Variants in SCAPER observed in about 807,000 individuals in gnomAD.
The protein encoded by SCAPER is S phase cyclin A-associated protein in the endoplasmic reticulum.
Under a neutral mutation model 182.2 loss-of-function variants are expected in SCAPER, and 98 were observed. The ratio of observed to expected loss-of-function variants is 0.54; its 90% confidence interval spans 0.46 to 0.64. SCAPER has a LOEUF of 0.64. SCAPER is among the 30% of genes least tolerant of loss of function. SCAPER has a pLI of 0.00. For missense variants in SCAPER, 1,432 were observed against 1,690.0 expected, an observed-to-expected ratio of 0.85 and a Z score of 2.68; for synonymous variants, 605 against 564.6, an observed-to-expected ratio of 1.07 and a Z score of -1.01.
intron 24 of SCAPER, among the ~76,000 whole-genome samples, chr15:76,502,412 G>A (rs192801624): frequency 7.9e-5 from 12 of 152,160 alleles, no homozygotes; most frequent in Admixed American, 7.9e-4. Context: ...ATGAGTTCAT[G>A]TCCTTTGTAG....
chr15:76,717,585 C>T (rs1017399301), intron 17 of SCAPER, among the ~76,000 whole-genome samples: 17 of 152,110 alleles, frequency 1.1e-4, no homozygotes, highest in Admixed American at 2.6e-4. Context: ...AAATTGTTAT[C>T]AACTTAAAAC....
intron 23 of SCAPER, among the ~76,000 whole-genome samples, chr15:76,565,136 T>G (rs900198344): frequency 1.3e-5 from 2 of 152,062 alleles, no homozygotes; most frequent in South Asian, 2.1e-4. Context: ...CGAAAGCAAT[T>G]GCAACAAAAG....
At chr15:76,891,788 TTTCTTCACAGAATTGGAAA>T (rs545689590) in intron 1 of SCAPER, among the ~76,000 whole-genome samples, 36 of 152,304 alleles carry the variant, frequency 2.4e-4, no homozygotes, top group African/African-American at 6.0e-4. Flanking sequence ...TACCAATGAC[TTTCTTCACAGAATTGGAAA>T]TTCTTCACAG....
At chr15:76,396,538 C>T (rs2044071990) in intron 27 of SCAPER, among the ~76,000 whole-genome samples, 1 of 152,058 alleles carries the variant, frequency 6.6e-6, no homozygotes, top group South Asian at 2.1e-4. Flanking sequence ...AAATCTTTCA[C>T]TTCTTTGGTT....
chr15:76,518,040 C>T (rs1239388690), intron 23 of SCAPER, among the ~76,000 whole-genome samples: 1 of 152,118 alleles, frequency 6.6e-6, no homozygotes, highest in African/African-American at 2.4e-5. Flanking sequence ...GTTCTTTTAA[C>T]CAGTGGTGCA....
chr15:76,723,942 C>T (rs989054180), intron 17 of SCAPER, among the ~76,000 whole-genome samples: 16 of 152,124 alleles, frequency 1.1e-4, no homozygotes, highest in African/African-American at 2.7e-4. Flanking sequence ...AGTATTGTTA[C>T]GTGTGAATTT....
At chr15:76,491,239 G>A (rs2052273999) in intron 24 of SCAPER, among the ~76,000 whole-genome samples, 1 of 152,082 alleles carries the variant, frequency 6.6e-6, no homozygotes, top group South Asian at 2.1e-4. Context: ...TTGAAATCAG[G>A]AACTGTTATG....
chr15:76,470,056 A>G (rs2050016208), intron 25 of SCAPER, among the ~76,000 whole-genome samples: 2 of 151,948 alleles, frequency 1.3e-5, no homozygotes, highest in African/African-American at 4.8e-5. Flanking sequence ...GCTTTCCCTT[A>G]TTGCTATTCC....
chr15:76,543,325 T>C (rs989209282), intron 23 of SCAPER, among the ~76,000 whole-genome samples: 5 of 152,234 alleles, frequency 3.3e-5, no homozygotes, highest in African/African-American at 9.6e-5. Context: ...AGGAAATTGG[T>C]TGTAGGTTTA....
At chr15:76,650,672 C>G (rs1397458989) in intron 21 of SCAPER, among the ~76,000 whole-genome samples, 1 of 152,062 alleles carries the variant, frequency 6.6e-6, no homozygotes, top group Non-Finnish European at 1.5e-5. Context: ...GTACTAACCA[C>G]ATAGACCTAA....
At chr15:76,364,602 G>C (rs748799761) in intron 29 of SCAPER, among the ~76,000 whole-genome samples, 30 of 152,142 alleles carry the variant, frequency 2.0e-4, no homozygotes, top group South Asian at 4.2e-4. Flanking sequence ...TGTGTGCTTG[G>C]TACCAGTAGC....
intron 5 of SCAPER, among the ~76,000 whole-genome samples, chr15:76,836,766 C>T (rs1300493589): frequency 4.0e-5 from 6 of 151,766 alleles, no homozygotes; most frequent in Admixed American, 6.6e-5. Context: ...CCCAGCTACT[C>T]GGGAGGCTGA....
At chr15:76,417,698 C>T (rs1450756514) in intron 26 of SCAPER, among the ~76,000 whole-genome samples, 1 of 152,036 alleles carries the variant, frequency 6.6e-6, no homozygotes, top group Non-Finnish European at 1.5e-5. Flanking sequence ...TCCTTGAATA[C>T]ATGTCTTATG....
chr15:76,725,413 A>G (rs2060523323), intron 17 of SCAPER, among the ~76,000 whole-genome samples: 1 of 125,332 alleles, frequency 8.0e-6, no homozygotes, highest in Non-Finnish European at 1.9e-5. Flanking sequence ...CTTAGTGTAT[A>G]CATTAAAAAA....
intron 23 of SCAPER, among the ~76,000 whole-genome samples, chr15:76,560,678 T>A (rs2046547263): frequency 6.6e-6 from 1 of 152,156 alleles, no homozygotes; most frequent in Admixed American, 6.5e-5. Context: ...TTCCTGGGAA[T>A]GGAATAGAAA....
intron 21 of SCAPER, among the ~76,000 whole-genome samples, chr15:76,663,238 A>G (rs2033811632): frequency 6.6e-6 from 1 of 152,184 alleles, no homozygotes; most frequent in African/African-American, 2.4e-5. Context: ...AGATACCACT[A>G]CATTCCCACT....
intron 3 of SCAPER, among the ~76,000 whole-genome samples, chr15:76,861,309 A>G (rs1461345577): frequency 6.6e-6 from 1 of 152,256 alleles, no homozygotes; most frequent in Non-Finnish European, 1.5e-5. Flanking sequence ...CAGTAGAGAA[A>G]TTTGGCAGAC....
At chr15:76,555,131 C>T (rs140018955) in intron 23 of SCAPER, among the ~76,000 whole-genome samples, 2,406 of 152,150 alleles carry the variant, frequency 0.016, 27 homozygotes, top group Middle Eastern at 0.044. Context: ...TCATATCCAG[C>T]CAAACTAAGC....
At chr15:76,827,918 A>C (rs1044102788) in intron 5 of SCAPER, among the ~76,000 whole-genome samples, 6 of 152,200 alleles carry the variant, frequency 3.9e-5, no homozygotes, top group African/African-American at 1.4e-4. Context: ...TTTAATCCTC[A>C]ATTGTGGCAG....
Sources: allele counts gnomAD v4.1 joint callset (sites outside exome capture counted in the v4.1 genomes callset), GRCh38; gene constraint gnomAD v4.1.1; transcripts MANE v1.5; gene names NCBI Gene and HGNC (gene_info 2026-07-23, HGNC 2026-07-21).